Variants in NUP155 observed in about 807,000 individuals in gnomAD.
The protein encoded by NUP155 is nuclear pore complex protein Nup155.
Under a neutral mutation model 180.4 loss-of-function variants are expected in NUP155, and 71 were observed. The observed-to-expected ratio is 0.39, with a 90% confidence interval of 0.33 to 0.48. NUP155 has a LOEUF of 0.48. Among genes scored for constraint, NUP155 ranks in the 20% least tolerant of loss-of-function variants. NUP155 has a pLI of 0.91. For missense variants in NUP155, 1,553 were observed against 1,648.9 expected (o/e 0.94, Z 1.01); for synonymous variants, 582 against 559.5 (o/e 1.04, Z -0.57).
At chr5:37,341,329 C>T in intron 10 of NUP155, 87 bp from the exon 11 acceptor site, 1 of 1,063,602 alleles carries the variant, frequency 9.4e-7, no homozygotes. Context: ...TACAGCAATG[C>T]AACACTCTGC....
chr5:37,289,439 G>C lies in NUP155; in HGVS notation c.*2461C>G, dbSNP rs911185273. ...GCATGACACTACAGATGGAACTCAA[G>C]AATCTGTCATAACAGGCTATCCGGC... is the stretch of plus-strand genomic sequence containing the variant. On this transcript the variant is annotated 3_prime_UTR_variant, in exon 35 of 35. Coordinates refer to ENST00000231498, the MANE Select transcript of NUP155 (RefSeq NM_153485.3). 2 of 152,240 alleles carry C rather than the reference G, an allele frequency of 1.3e-5. No individual in the cohort carries two copies. The highest frequency in any genetic ancestry group is 2.4e-5 in the African/African-American group (1 of 41,466). 9.4% of individuals were successfully genotyped at this position (152,240 alleles called of 1,614,324 possible).
At position 37,351,170 on chromosome 5, in the gene NUP155, T is replaced by C. The variant is rs1746432400; in HGVS notation, c.723+20A>G. On this transcript the variant is annotated intron_variant, in intron 6 of 34. Transcript: ENST00000231498. Reference sequence around the variant, plus strand: ...CTCCATCAAGAGAGAAAAAAAAACGTTTACAAATGTCAGACTTACCTGGTA... The same window carrying C: ...CTCCATCAAGAGAGAAAAAAAAACGCTTACAAATGTCAGACTTACCTGGTA... 1 of 1,608,252 alleles carries C rather than the reference T, an allele frequency of 6.2e-7. No homozygotes were observed. The highest frequency in any genetic ancestry group is 1.3e-5 in the African/African-American group (1 of 74,708).
intron 9 of NUP155, among the ~76,000 whole-genome samples, chr5:37,347,767 G>A (rs1387232342): frequency 2.6e-5 from 4 of 151,646 alleles, no homozygotes; most frequent in Non-Finnish European, 5.9e-5. Flanking sequence ...TTTGGGAGGC[G>A]TGGTGGGTAG....
At chr5:37,310,254 A>T (rs1743442584) in intron 23 of NUP155, among the ~76,000 whole-genome samples, 1 of 152,104 alleles carries the variant, frequency 6.6e-6, no homozygotes, top group South Asian at 2.1e-4. Flanking sequence ...TGAGTCTAGG[A>T]CTTAGAAGCT....
At position 37,302,747 on chromosome 5, in the gene NUP155, T is replaced by G. The variant is rs746282205; in HGVS notation, c.3447+32A>C. The G allele has an allele frequency of 9.3e-6, 15 of 1,612,184 alleles. 1 individual carries two copies. In the Middle Eastern group the frequency reaches 8.2e-4, roughly 89 times the overall value. On this transcript the variant is annotated intron_variant, in intron 29 of 34. Transcript: ENST00000231498. ...GAATAACTATGTGGCTAGTACTCAA[T>G]GTGGACACAGCTTAAGATCTTTAGC...
Position 37,370,827 on chromosome 5 carries a change from C to G in NUP155, c.151G>C (p.Ala51Pro). ...CAGGGTCACTATCACTCACTTGGGG[C>G]AGACACCATAAGCAGCTCGGAAAGG... ...PDLSELLMVS[A>P]PNNPTVSGMS... Residue 51 changes from alanine to proline, a missense_variant, in exon 1 of 35, where the codon GCC becomes CCC. Transcript: ENST00000231498. The G allele has an allele frequency of 6.2e-7, 1 of 1,614,192 alleles. No individual in the cohort carries two copies. Among genetic ancestry groups the G allele is most frequent in the South Asian group, 1.1e-5 (1 of 91,086 alleles).
intron 19 of NUP155, among the ~76,000 whole-genome samples, chr5:37,325,254 A>T (rs1271305441): frequency 6.6e-6 from 1 of 152,162 alleles, no homozygotes; most frequent in Admixed American, 6.5e-5. Flanking sequence ...TATATATGTC[A>T]AAGTATTACA....
intron 25 of NUP155, 129 bp from the exon 26 acceptor site, chr5:37,305,339 G>A (rs1743094313): frequency 2.5e-5 from 19 of 767,546 alleles, no homozygotes; most frequent in South Asian, 9.3e-5. Context: ...GAGGCTGGGA[G>A]TTCAAGACTA....
intron 12 of NUP155, among the ~76,000 whole-genome samples, chr5:37,336,197 T>A (rs896729765): frequency 2.0e-5 from 3 of 152,082 alleles, no homozygotes; most frequent in Non-Finnish European, 2.9e-5. Context: ...AAAAAAAAGT[T>A]AGGTGGAGGA....
Position 37,307,391 on chromosome 5 carries a change from C to T in NUP155, c.2809G>A (p.Ala937Thr). The change falls in exon 25 of 35, where the codon GCA becomes ACA. Residue 937 changes from alanine to threonine, a missense_variant. Coordinates refer to ENST00000231498, the MANE Select transcript of NUP155 (RefSeq NM_153485.3). ...AGACCTTGAGGATCTTTTTTCTCTG[C>T]AGCCGTAAGAGAAAGTTCCACCACA... ...EGVVELSLTA[A>T]EKKDPQGLGL... 6.2e-7 allele frequency: 1 copy of T among 1,613,692 alleles called. No homozygotes were observed. Among genetic ancestry groups the T allele is most frequent in the Non-Finnish European group, 8.5e-7 (1 of 1,179,738 alleles).
chr5:37,314,023 GA>G (rs34843001), intron 22 of NUP155, among the ~76,000 whole-genome samples, 174 bp downstream of exon 22: 2 of 152,014 alleles, frequency 1.3e-5, no homozygotes, highest in African/African-American at 4.8e-5. Context: ...TTGCGGCTTT[GA>G]AAAAATAGGT....
chr5:37,318,170 G>A, intron 20 of NUP155, 85 bp from the exon 21 acceptor site: 10 of 894,268 alleles, frequency 1.1e-5, no homozygotes, highest in Non-Finnish European at 1.7e-5. Context: ...CATTTAATAT[G>A]TTTACTTTTT....
At chr5:37,352,337 G>A (rs188431877) in intron 5 of NUP155, among the ~76,000 whole-genome samples, 4 of 151,772 alleles carry the variant, frequency 2.6e-5, no homozygotes, top group East Asian at 3.9e-4. Flanking sequence ...CAGCCCGGGC[G>A]ACAGTGCAAG....
At chr5:37,348,257 T>C (rs1414824472) in intron 9 of NUP155, among the ~76,000 whole-genome samples, 2 of 151,872 alleles carry the variant, frequency 1.3e-5, no homozygotes, top group Admixed American at 6.6e-5. Flanking sequence ...TGAGCCAAGA[T>C]TGTGTCACTG....
At chr5:37,338,231 T>C (rs1745473437) in intron 11 of NUP155, among the ~76,000 whole-genome samples, 1 of 142,538 alleles carries the variant, frequency 7.0e-6, no homozygotes, top group Non-Finnish European at 1.5e-5. Flanking sequence ...GGCAGGAGAA[T>C]GGCGTGAACG....
chr5:37,292,373 G>A (rs907898921), intron 34 of NUP155, among the ~76,000 whole-genome samples: 27 of 151,930 alleles, frequency 1.8e-4, no homozygotes, highest in Admixed American at 2.0e-4. Flanking sequence ...CCGCCACCAC[G>A]CCCAGCTAAT....
At position 37,302,840 on chromosome 5, in the gene NUP155, G is replaced by T. The variant is rs964444701; in HGVS notation, c.3386C>A (p.Thr1129Asn). ...ATCGGCAGCTATTGATGAAATGGCAGTGGAACTTTTGGCACTAAGAATGGC... is the reference window on the plus strand; with the variant it reads ...ATCGGCAGCTATTGATGAAATGGCATTGGAACTTTTGGCACTAAGAATGGC... ...ARAILSAKSS[T>N]AISSIAADGE... is the part of the protein sequence containing the mutation. Residue 1129 changes from threonine to asparagine, a missense_variant, in exon 29 of 35, where the codon ACT becomes AAT. Transcript: ENST00000231498. The T allele has an allele frequency of 6.2e-7, 1 of 1,613,850 alleles. No homozygotes were observed. Among genetic ancestry groups the T allele is most frequent in the African/African-American group, 1.3e-5 (1 of 74,924 alleles).
chr5:37,361,421 A>G (rs1006342154), intron 3 of NUP155, among the ~76,000 whole-genome samples: 2 of 152,150 alleles, frequency 1.3e-5, no homozygotes, highest in African/African-American at 4.8e-5. Flanking sequence ...AAATACCACG[A>G]AAAAATATGA....
chr5:37,339,738 C>T (rs1745586551), intron 11 of NUP155, among the ~76,000 whole-genome samples: 1 of 152,310 alleles, frequency 6.6e-6, no homozygotes, highest in South Asian at 2.1e-4. Flanking sequence ...CTATCACAAT[C>T]CAACCTCACT....
Sources: allele counts gnomAD v4.1 joint callset (sites outside exome capture counted in the v4.1 genomes callset), GRCh38; gene constraint gnomAD v4.1.1; transcripts MANE v1.5; gene names NCBI Gene and HGNC (gene_info 2026-07-23, HGNC 2026-07-21).